MGAT4C: variants seen among roughly 807,000 people sequenced by gnomAD.
MGAT4C encodes alpha-1,3-mannosyl-glycoprotein 4-beta-N-acetylglucosaminyltransferase C.
A neutral mutation model predicts 40.1 loss-of-function variants in MGAT4C; 19 were observed. The ratio of observed to expected loss-of-function variants is 0.47; its 90% confidence interval spans 0.33 to 0.70. The LOEUF (loss-of-function observed/expected upper bound fraction) is 0.70. Among genes scored for constraint, MGAT4C ranks in the 30% least tolerant of loss-of-function variants. The pLI is 0.02. For missense variants in MGAT4C, 491 were observed against 563.2 expected, an observed-to-expected ratio of 0.87 and a Z score of 1.30; for synonymous variants, 181 against 187.1, an observed-to-expected ratio of 0.97 and a Z score of 0.27.
At position 85,960,720 on chromosome 12, in the gene MGAT4C, A is replaced by G. The variant is rs1014863579; in HGVS notation, c.*18569T>C. The G allele has an allele frequency of 2.6e-5, 4 of 151,882 alleles. No individual in the cohort carries two copies. The highest frequency in any genetic ancestry group is 5.9e-5 in the Non-Finnish European group (4 of 67,862). The allele number at this position is 151,882 out of a possible 1,614,324, so 9.4% of individuals were successfully genotyped here. ...AGGAAATGATGGCATGAACAACTCTAGATAATTTTTGTTTATTTGGATATA... is the reference window on the plus strand; with the variant it reads ...AGGAAATGATGGCATGAACAACTCTGGATAATTTTTGTTTATTTGGATATA... On this transcript the variant is annotated 3_prime_UTR_variant, in exon 5 of 5. Coordinates refer to ENST00000611864, the MANE Select transcript of MGAT4C (RefSeq NM_001351288.2).
At chr12:86,251,058 T>C (rs1432381676) in intron 1 of MGAT4C, among the ~76,000 whole-genome samples, 1 of 151,450 alleles carries the variant, frequency 6.6e-6, no homozygotes, top group Non-Finnish European at 1.5e-5. Flanking sequence ...TGCAAGGCAC[T>C]GTTCTCCATG....
At chr12:86,039,124 AACC>A (rs1891547311) in intron 2 of MGAT4C, among the ~76,000 whole-genome samples, 1 of 151,916 alleles carries the variant, frequency 6.6e-6, no homozygotes, top group Non-Finnish European at 1.5e-5. Flanking sequence ...TGGGTAACCC[AACC>A]TTTCTCTCTG....
intron 2 of MGAT4C, among the ~76,000 whole-genome samples, chr12:86,670,994 T>A (rs1414924438): frequency 6.6e-6 from 1 of 152,364 alleles, no homozygotes; most frequent in African/African-American, 2.4e-5. Context: ...AAAGACTTCA[T>A]TCTATTTATA....
At chr12:86,228,101 AC>A (rs1316037116) in intron 1 of MGAT4C, among the ~76,000 whole-genome samples, 4 of 151,920 alleles carry the variant, frequency 2.6e-5, no homozygotes, top group African/African-American at 9.7e-5. Flanking sequence ...TGTCAGGGGT[AC>A]AAAGGATACA....
At chr12:86,199,757 CAT>C (rs1355770942) in intron 1 of MGAT4C, among the ~76,000 whole-genome samples, 3 of 152,042 alleles carry the variant, frequency 2.0e-5, no homozygotes, top group African/African-American at 7.2e-5. Flanking sequence ...ATAAATGTAA[CAT>C]TGTTATTTTT....
rs539765681 is a variant in MGAT4C at position 86,270,689 on chromosome 12, C to T, written c.-57+63376G>A. ...AACAATTTAAAAATTTATATGTAACCGAAAAAGAAAAGTGCAAATAGTGCA... is the reference window on the plus strand; with the variant it reads ...AACAATTTAAAAATTTATATGTAACTGAAAAAGAAAAGTGCAAATAGTGCA... On this transcript the variant is annotated intron_variant, in intron 4 of 7. Transcript: ENST00000548651. 5.3e-5 allele frequency among the ~76,000 whole-genome samples: 8 copies of T among 151,946 alleles called. No individual in the cohort carries two copies. In the South Asian group the frequency reaches 1.2e-3, roughly 24 times the overall value.
chr12:86,337,319 G>A (rs1327727374), intron 3 of MGAT4C, among the ~76,000 whole-genome samples: 1 of 152,066 alleles, frequency 6.6e-6, no homozygotes, highest in Non-Finnish European at 1.5e-5. Context: ...GGAAGTGGCT[G>A]GGCATGGTGG....
At chr12:86,382,076 C>T (rs1955943130) in intron 3 of MGAT4C, among the ~76,000 whole-genome samples, 1 of 152,086 alleles carries the variant, frequency 6.6e-6, no homozygotes, top group Non-Finnish European at 1.5e-5. Flanking sequence ...GGGTAATAGG[C>T]AGAGGTTGGA....
intron 2 of MGAT4C, among the ~76,000 whole-genome samples, chr12:86,479,020 G>T (rs1272738394): frequency 6.6e-6 from 1 of 151,906 alleles, no homozygotes; most frequent in Non-Finnish European, 1.5e-5. Flanking sequence ...ACACCACATT[G>T]TCTGAATTAA....
chr12:86,528,479 C>T (rs1369485170), intron 2 of MGAT4C, among the ~76,000 whole-genome samples: 1 of 151,784 alleles, frequency 6.6e-6, no homozygotes, highest in African/African-American at 2.4e-5. Context: ...TGTACTTAGG[C>T]CAAATAAAAA....
At chr12:86,234,846 T>C (rs1951465255) in intron 1 of MGAT4C, among the ~76,000 whole-genome samples, 1 of 151,968 alleles carries the variant, frequency 6.6e-6, no homozygotes, top group South Asian at 2.1e-4. Context: ...TTCTCAGTTT[T>C]TGTTTTTGTT....
chr12:86,365,250 C>T (rs1054901170), intron 3 of MGAT4C, among the ~76,000 whole-genome samples: 4 of 152,174 alleles, frequency 2.6e-5, no homozygotes, highest in Admixed American at 6.5e-5. Context: ...CCCGGCTCAC[C>T]GGCGGTCAAA....
intron 2 of MGAT4C, among the ~76,000 whole-genome samples, chr12:86,570,127 TG>T (rs1183184121): frequency 2.0e-5 from 3 of 152,042 alleles, no homozygotes; most frequent in Non-Finnish European, 4.4e-5. Context: ...AGAGACCTAT[TG>T]TAACTAACAA....
At chr12:86,517,175 A>G (rs1958705947) in intron 2 of MGAT4C, among the ~76,000 whole-genome samples, 1 of 152,174 alleles carries the variant, frequency 6.6e-6, no homozygotes, top group Non-Finnish European at 1.5e-5. Flanking sequence ...AATGTTTTTG[A>G]TGTTGATGAA....
chr12:86,752,131 T>C (rs1308988218), intron 1 of MGAT4C, among the ~76,000 whole-genome samples: 1 of 151,998 alleles, frequency 6.6e-6, no homozygotes, highest in Non-Finnish European at 1.5e-5. Flanking sequence ...TCTATGTATT[T>C]TATATAGAAA....
At chr12:86,262,241 T>G (rs1433246210) in intron 4 of MGAT4C, among the ~76,000 whole-genome samples, 1 of 152,120 alleles carries the variant, frequency 6.6e-6, no homozygotes, top group Non-Finnish European at 1.5e-5. Flanking sequence ...TGTTTCTACC[T>G]GGAATGCTTT....
intron 1 of MGAT4C, among the ~76,000 whole-genome samples, chr12:86,194,958 G>C (rs1411295476): frequency 2.6e-5 from 4 of 152,158 alleles, no homozygotes; most frequent in African/African-American, 9.7e-5. Context: ...CCTCCATTCA[G>C]CTTCTTAGCA....
chr12:86,390,070 T>A (rs973127652), intron 3 of MGAT4C, among the ~76,000 whole-genome samples: 5 of 152,190 alleles, frequency 3.3e-5, no homozygotes, highest in African/African-American at 1.2e-4. Flanking sequence ...GTGAAACTCA[T>A]GATTCAGCTG....
intron 4 of MGAT4C, among the ~76,000 whole-genome samples, chr12:86,264,366 G>A (rs1368534708): frequency 2.0e-5 from 3 of 152,148 alleles, no homozygotes; most frequent in African/African-American, 7.2e-5. Flanking sequence ...TGAGAGATAG[G>A]GGATAGGAGC....
Sources: allele counts gnomAD v4.1 joint callset (sites outside exome capture counted in the v4.1 genomes callset), GRCh38; gene constraint gnomAD v4.1.1; transcripts MANE v1.5; gene names NCBI Gene and HGNC (gene_info 2026-07-23, HGNC 2026-07-21).